ARHGAP6: variants seen among roughly 807,000 people sequenced by gnomAD.
The protein encoded by ARHGAP6 is rho GTPase-activating protein 6.
In ARHGAP6, 16 loss-of-function variants were observed where a neutral mutation model predicts 55.7. The ratio of observed to expected loss-of-function variants is 0.29; its 90% CI spans 0.19 to 0.44. ARHGAP6 has a LOEUF of 0.44. Ranked by LOEUF, ARHGAP6 falls within the 20% of genes least tolerant of loss-of-function variation. The pLI is 1.00. For missense variants in ARHGAP6, 698 were observed against 808.9 expected (o/e 0.86, Z 1.66); for synonymous variants, 382 against 360.9 (o/e 1.06, Z -0.66).
rs762283055 is a variant in ARHGAP6 at position 11,347,547 on chromosome X, T to C, written c.589-92840A>G. ...CTGTAATAATCTTGCCCTTGAACTG[T>C]GGTAGAGCATCCACTGCAGTTCAAT... On this transcript the variant is annotated intron_variant, in intron 1 of 12. Transcript: ENST00000337414. Among the ~76,000 whole-genome samples, 4 of 112,309 alleles carry C rather than the reference T, an allele frequency of 3.6e-5. No individual in the cohort carries two copies. In the East Asian group the frequency reaches 1.1e-3, roughly 31 times the overall value.
intron 1 of ARHGAP6, among the ~76,000 whole-genome samples, chrX:11,308,748 A>G (rs1215906116): frequency 8.9e-6 from 1 of 112,160 alleles, no homozygotes; most frequent in Non-Finnish European, 1.9e-5. Flanking sequence ...ACTGGACTGG[A>G]ACAGTAACAT....
chrX:11,301,829 C>T (rs2048178181), intron 1 of ARHGAP6, among the ~76,000 whole-genome samples: 1 of 111,602 alleles, frequency 9.0e-6, no homozygotes, highest in Admixed American at 9.5e-5. Flanking sequence ...ATTAAAAAGG[C>T]CAAATGGTAT....
intron 2 of ARHGAP6, among the ~76,000 whole-genome samples, chrX:11,229,956 T>G (rs1446151894): frequency 1.8e-5 from 2 of 112,226 alleles, no homozygotes; most frequent in African/African-American, 6.5e-5. Context: ...AAAGCTTGCA[T>G]TTTCATAAAG....
chrX:11,513,369 C>T (rs1427561175), intron 1 of ARHGAP6, among the ~76,000 whole-genome samples: 1 of 112,114 alleles, frequency 8.9e-6, no homozygotes. Context: ...GACTGTGGGT[C>T]ATAAACCTGT....
At chrX:11,293,604 A>G (rs747112409) in intron 1 of ARHGAP6, 27 of 112,160 alleles carry the variant, frequency 2.4e-4, no homozygotes, top group African/African-American at 8.7e-4. Context: ...TAGTTGGCCC[A>G]TAATTAAATT....
chrX:11,574,613 A>G (rs2051573833), intron 1 of ARHGAP6, among the ~76,000 whole-genome samples: 1 of 110,529 alleles, frequency 9.0e-6, no homozygotes, highest in Admixed American at 9.7e-5. Context: ...ACCCACAGCC[A>G]ATATCATACT....
chrX:11,519,340 G>A (rs1194491464), intron 1 of ARHGAP6, among the ~76,000 whole-genome samples: 1 of 110,235 alleles, frequency 9.1e-6, no homozygotes, highest in Non-Finnish European at 1.9e-5. Context: ...ACTGGTGTGA[G>A]ATGATATCTC....
chrX:11,270,698 A>T (rs1248377800), intron 1 of ARHGAP6, among the ~76,000 whole-genome samples: 2 of 111,672 alleles, frequency 1.8e-5, no homozygotes, highest in African/African-American at 6.5e-5. Flanking sequence ...TCTACAATGT[A>T]ACCGGTAAAC....
chrX:11,309,778 T>G (rs987210933), intron 1 of ARHGAP6, among the ~76,000 whole-genome samples: 1 of 110,906 alleles, frequency 9.0e-6, no homozygotes, highest in African/African-American at 3.3e-5. Context: ...AAAAAAAATC[T>G]GAATAAATAT....
chrX:11,641,817 T>C (rs191247886), intron 1 of ARHGAP6, among the ~76,000 whole-genome samples: 140 of 111,699 alleles, frequency 1.3e-3, no homozygotes, highest in African/African-American at 4.4e-3. Context: ...GAAGGAAGCA[T>C]AGAAAGTACT....
chrX:11,425,705 A>G (rs1389545285), intron 1 of ARHGAP6, among the ~76,000 whole-genome samples: 2 of 112,838 alleles, frequency 1.8e-5, no homozygotes, highest in Non-Finnish European at 3.7e-5. Flanking sequence ...ATGATTTTAG[A>G]AGAATCAGAC....
intron 1 of ARHGAP6, among the ~76,000 whole-genome samples, chrX:11,655,045 C>T (rs1245387736): frequency 8.9e-6 from 1 of 111,737 alleles, no homozygotes; most frequent in African/African-American, 3.2e-5. Flanking sequence ...TTAGCTGTCG[C>T]TCCACATCCC....
At chrX:11,432,978 A>G (rs1450892756) in intron 1 of ARHGAP6, among the ~76,000 whole-genome samples, 1 of 112,497 alleles carries the variant, frequency 8.9e-6, no homozygotes, top group Non-Finnish European at 1.9e-5. Context: ...ATTTCTTCCC[A>G]CCCTCTTAAC....
intron 1 of ARHGAP6, among the ~76,000 whole-genome samples, chrX:11,557,889 C>T (rs909515486): frequency 1.3e-4 from 14 of 111,876 alleles, no homozygotes; most frequent in African/African-American, 3.6e-4. Flanking sequence ...GCTAATGTGG[C>T]CTCCAATTAT....
intron 8 of ARHGAP6, among the ~76,000 whole-genome samples, chrX:11,176,343 ATATATATC>A (rs2046224249): frequency 1.7e-5 from 1 of 59,297 alleles, no homozygotes; most frequent in Non-Finnish European, 3.1e-5. Flanking sequence ...ATATATATAT[ATATATATC>A]TCCCCTAGCA....
intron 2 of ARHGAP6, among the ~76,000 whole-genome samples, chrX:11,206,745 T>C (rs2147379921): frequency 9.0e-6 from 1 of 111,718 alleles, no homozygotes; most frequent in East Asian, 2.8e-4. Flanking sequence ...TTATTTCTAC[T>C]GGAATAATTT....
chrX:11,348,456 TTGTC>T lies in ARHGAP6; in HGVS notation c.589-93753_589-93750del, dbSNP rs200549521. On this transcript the variant is annotated intron_variant, in intron 1 of 12. Transcript: ENST00000337414. ...AGCACTGGGTTGGGATCAGAAGTCT[TTGTC>T]TGTATCAGTTCTTTCTCTGTGCCTC... is the stretch of plus-strand genomic sequence containing the variant. 9.8e-3 allele frequency among the ~76,000 whole-genome samples: 1,092 copies of T among 111,337 alleles called. 14 individuals carry two copies. The highest frequency in any genetic ancestry group is 0.034 in the African/African-American group (1,034 of 30,574).
At chrX:11,226,533 G>A (rs1349943140) in intron 2 of ARHGAP6, among the ~76,000 whole-genome samples, 1 of 111,638 alleles carries the variant, frequency 9.0e-6, no homozygotes, top group Non-Finnish European at 1.9e-5. Flanking sequence ...TTTTGTGGGA[G>A]TTATTTAAAA....
chrX:11,515,936 G>A (rs1429586421), intron 1 of ARHGAP6, among the ~76,000 whole-genome samples: 1 of 112,283 alleles, frequency 8.9e-6, no homozygotes, highest in Non-Finnish European at 1.9e-5. Flanking sequence ...CACCCCCCAG[G>A]GGTGTTTCAC....
Sources: allele counts gnomAD v4.1 joint callset (sites outside exome capture counted in the v4.1 genomes callset), GRCh38; gene constraint gnomAD v4.1.1; transcripts MANE v1.5; gene names NCBI Gene and HGNC (gene_info 2026-07-23, HGNC 2026-07-21).